DYNC2I1: variants seen among roughly 807,000 people sequenced by gnomAD.
DYNC2I1 encodes the protein cytoplasmic dynein 2 intermediate chain 1.
DYNC2I1 carries 89 observed loss-of-function variants against 133.4 expected under a neutral mutation model. The observed-to-expected ratio is 0.67, with a 90% CI of 0.56 to 0.80. DYNC2I1 has a LOEUF of 0.80. DYNC2I1 is among the 30% of genes least tolerant of loss of function. The probability of loss-of-function intolerance (pLI) is 0.00; values close to 1 mark genes in which losing one functional copy is unlikely to be tolerated. For synonymous variants in DYNC2I1, 504 were observed against 484.3 expected (o/e 1.04, Z -0.54); for missense variants, 1,291 against 1,314.5 (o/e 0.98, Z 0.28).
chr7:158,954,745 C>T (rs1375309535), intron 4 of DYNC2I1, among the ~76,000 whole-genome samples: 1 of 152,234 alleles, frequency 6.6e-6, no homozygotes, highest in Non-Finnish European at 1.5e-5. Flanking sequence ...AAATTATAGT[C>T]TCACCATCCA....
chr7:158,872,509 C>T (rs1209559771), intron 3 of DYNC2I1, among the ~76,000 whole-genome samples: 1 of 151,810 alleles, frequency 6.6e-6, no homozygotes, highest in African/African-American at 2.4e-5. Flanking sequence ...GTGGCGTGTG[C>T]CTGTAATCCC....
chr7:158,909,401 G>C (rs1847163138), intron 11 of DYNC2I1, among the ~76,000 whole-genome samples: 2 of 149,066 alleles, frequency 1.3e-5, no homozygotes, highest in Non-Finnish European at 3.0e-5. Context: ...AAGCTTGCTT[G>C]AAACAAATTG....
chr7:158,928,485 CTG>C (rs1416638307), intron 20 of DYNC2I1, among the ~76,000 whole-genome samples: 1 of 152,214 alleles, frequency 6.6e-6, no homozygotes, highest in Non-Finnish European at 1.5e-5. Context: ...AGTCACACGT[CTG>C]TGGTGGCCCT....
In DYNC2I1 at chr7:158,869,836, T is replaced by C; in HGVS notation, c.16-19T>C. ...AATAAATTATTTTAAACATTCTAAC[T>C]TTATACTTTTCTATTTAGAGAAGAA... On this transcript the variant is annotated intron_variant, in intron 1 of 24. Coordinates refer to ENST00000407559, the MANE Select transcript of DYNC2I1 (RefSeq NM_018051.5). 2 of 1,603,206 alleles carry C rather than the reference T, an allele frequency of 1.2e-6. No individual in the cohort carries two copies. The highest frequency in any genetic ancestry group is 1.7e-6 in the Non-Finnish European group (2 of 1,171,758).
intron 14 of DYNC2I1, among the ~76,000 whole-genome samples, chr7:158,918,229 C>T (rs1477757542): frequency 1.3e-5 from 2 of 152,206 alleles, no homozygotes; most frequent in Non-Finnish European, 2.9e-5. Flanking sequence ...CTCTGCCTTC[C>T]TCACTTTCCT....
intron 1 of DYNC2I1, among the ~76,000 whole-genome samples, chr7:158,868,494 A>G (rs893023705): frequency 1.3e-5 from 2 of 152,250 alleles, no homozygotes; most frequent in African/African-American, 4.8e-5. Context: ...AACAAACATC[A>G]GAGGAGCTGG....
chr7:158,871,203 A>C lies in DYNC2I1; in HGVS notation c.131A>C (p.Glu44Ala). 1.9e-6 allele frequency: 3 copies of C among 1,613,774 alleles called. No homozygotes were observed. The highest frequency in any genetic ancestry group is 2.5e-6 in the Non-Finnish European group (3 of 1,179,756). ...CACAGAGAGAAGAAGCTGCGTAAGG[A>C]GTCTGAGATGGACCTTCCTGAACAT... ...RKHREKKLRKESEMDLPEHKE... is the reference protein window; with the variant it reads ...RKHREKKLRKASEMDLPEHKE... The change falls in exon 3 of 25, where the codon GAG (glutamate) becomes GCG (alanine). Residue 44 changes from glutamate (E) to alanine (A), a missense_variant. By Grantham distance (107) the Glu-to-Ala change is moderately radical (BLOSUM62 -1). Coordinates refer to ENST00000407559, the MANE Select transcript of DYNC2I1 (RefSeq NM_018051.5).
intron 8 of DYNC2I1, among the ~76,000 whole-genome samples, chr7:158,893,635 G>A (rs1288212157): frequency 1.3e-5 from 2 of 152,076 alleles, no homozygotes; most frequent in African/African-American, 4.8e-5. Flanking sequence ...TAACAGTATT[G>A]TACCACATAT....
Position 158,902,656 on chromosome 7 carries a change from C to T in DYNC2I1, c.1357+61C>T. On this transcript the variant is annotated intron_variant, in intron 10 of 24. Coordinates refer to ENST00000407559, the MANE Select transcript of DYNC2I1 (RefSeq NM_018051.5). ...CTTAGGGCTCTGTGTACTGAGCCCTCACAGATGCTGTCACACACAGGCCTA... is the reference window on the plus strand; with the variant it reads ...CTTAGGGCTCTGTGTACTGAGCCCTTACAGATGCTGTCACACACAGGCCTA... 2.8e-6 allele frequency: 4 copies of T among 1,450,380 alleles called. No individual in the cohort carries two copies. In the South Asian group the frequency reaches 4.9e-5, roughly 18 times the overall value. The allele number at this position is 1,450,380 out of a possible 1,614,324, so 89.8% of individuals were successfully genotyped here.
At chr7:158,873,707 G>C (rs796533416) in intron 3 of DYNC2I1, among the ~76,000 whole-genome samples, 4 of 152,254 alleles carry the variant, frequency 2.6e-5, no homozygotes, top group African/African-American at 9.6e-5. Context: ...GCCCACCACA[G>C]CCTTGAACTG....
At chr7:158,875,775 C>T (rs1843298333) in intron 3 of DYNC2I1, among the ~76,000 whole-genome samples, 1 of 152,164 alleles carries the variant, frequency 6.6e-6, no homozygotes, top group Non-Finnish European at 1.5e-5. Flanking sequence ...GCTCTGGGTC[C>T]TCAGTGCATC....
At chr7:158,934,384 C>G in intron 22 of DYNC2I1, 34 bp from the exon 23 acceptor site, 1 of 1,597,134 alleles carries the variant, frequency 6.3e-7, no homozygotes, top group South Asian at 1.1e-5. Context: ...GTGTAATGCA[C>G]TCGTTCAGTC....
Position 158,913,066 on chromosome 7 carries a change from C to T in DYNC2I1, c.1672C>T (p.His558Tyr). 1.2e-6 allele frequency: 2 copies of T among 1,613,362 alleles called. No individual in the cohort carries two copies. Among genetic ancestry groups the T allele is most frequent in the Non-Finnish European group, 1.7e-6 (2 of 1,179,528 alleles). Residue 558 changes from histidine (H) to tyrosine (Y), a missense_variant, in exon 13 of 25, where the codon CAC becomes TAC. Physicochemically the swap from His to Tyr is moderately conservative, Grantham distance 83. Transcript: ENST00000407559. ...EIETREVWTQHPGESTVVSGG... is the reference protein window; with the variant it reads ...EIETREVWTQYPGESTVVSGG... ...AGAGACCAGGGAAGTGTGGACCCAG[C>T]ACCCGGGAGAAAGTACTGTTGTATC...
intron 8 of DYNC2I1, among the ~76,000 whole-genome samples, chr7:158,892,087 C>T (rs1358096722): frequency 2.6e-5 from 4 of 152,120 alleles, no homozygotes; most frequent in Non-Finnish European, 5.9e-5. Context: ...ACAGAAGTGA[C>T]GGTGTCTGCT....
Position 158,879,936 on chromosome 7 carries a change from G to A in DYNC2I1, c.826G>A (p.Val276Met), listed in dbSNP as rs930716756. 6 of 1,608,750 alleles carry A rather than the reference G, an allele frequency of 3.7e-6. No homozygotes were observed. Among genetic ancestry groups the A allele is most frequent in the African/African-American group, 2.7e-5 (2 of 74,132 alleles). The change falls in exon 5 of 25, where the codon GTG (valine) becomes ATG (methionine). Residue 276 changes from valine to methionine, a missense_variant. By Grantham distance (21) the Val-to-Met change is conservative. Coordinates refer to ENST00000407559, the MANE Select transcript of DYNC2I1 (RefSeq NM_018051.5). ...TGATGATGAGAGGCACCAAAGCAACGTGGATAGAAAAGAGAAATCGGCAAA... is the reference window on the plus strand; with the variant it reads ...TGATGATGAGAGGCACCAAAGCAACATGGATAGAAAAGAGAAATCGGCAAA... ...HFDDERHQSN[V>M]DRKEKSAKDE... is the part of the protein sequence containing the mutation.
chr7:158,931,907 G>T (rs1299313016), intron 21 of DYNC2I1, among the ~76,000 whole-genome samples: 3 of 152,190 alleles, frequency 2.0e-5, no homozygotes, highest in Non-Finnish European at 4.4e-5. Flanking sequence ...GCTCTGCAGT[G>T]GAGTTCAGAG....
chr7:158,875,712 C>G (rs1843293026), intron 3 of DYNC2I1, among the ~76,000 whole-genome samples: 1 of 152,102 alleles, frequency 6.6e-6, no homozygotes, highest in East Asian at 1.9e-4. Flanking sequence ...ATTCAGGGGC[C>G]TCTGGCTTCC....
chr7:158,870,258 G>T (rs1336590414), intron 2 of DYNC2I1, among the ~76,000 whole-genome samples: 1 of 152,186 alleles, frequency 6.6e-6, no homozygotes, highest in Non-Finnish European at 1.5e-5. Context: ...TTTGTATGGG[G>T]CCCAGGCGGT....
intron 20 of DYNC2I1, among the ~76,000 whole-genome samples, chr7:158,929,163 C>T (rs1049387834): frequency 2.6e-5 from 4 of 152,188 alleles, no homozygotes; most frequent in Admixed American, 6.5e-5. Context: ...GAGGACGTTC[C>T]GACCAGCCCG....
Sources: gnomAD v4.1 joint callset for allele counts (sites outside exome capture counted in the v4.1 genomes callset) on GRCh38, gnomAD v4.1.1 for gene constraint, MANE v1.5 for transcripts, NCBI Gene and HGNC (gene_info 2026-07-23, HGNC 2026-07-21) for gene names.